Variants in SRGAP3 observed in about 807,000 individuals in gnomAD.
The protein encoded by SRGAP3 is SLIT-ROBO Rho GTPase activating protein 3, also known as SLIT-ROBO Rho GTPase-activating protein 3.
A neutral mutation model predicts 121.1 loss-of-function variants in SRGAP3; 39 were observed. That is an observed-to-expected ratio of 0.32 (90% CI 0.25 to 0.42). The LOEUF is 0.42. SRGAP3 is among the 10% of genes least tolerant of loss of function. SRGAP3 has a pLI of 1.00. For missense variants in SRGAP3, 1,213 were observed against 1,470.6 expected (o/e 0.82, Z 2.86); for synonymous variants, 601 against 570.0 (o/e 1.05, Z -0.77).
intron 2 of SRGAP3, among the ~76,000 whole-genome samples, chr3:9,121,624 C>T (rs765483845): frequency 6.6e-6 from 1 of 152,234 alleles, no homozygotes; most frequent in African/African-American, 2.4e-5. Context: ...CTGGGGCTCC[C>T]GTTCCGTCTG....
chr3:9,338,400 G>A (rs1237248169), intron 1 of SRGAP3, among the ~76,000 whole-genome samples: 1 of 152,196 alleles, frequency 6.6e-6, no homozygotes. Flanking sequence ...TAGAATCATG[G>A]TAGAAAGAGG....
chr3:9,247,384 C>A (rs963432190), intron 1 of SRGAP3, among the ~76,000 whole-genome samples: 1 of 152,162 alleles, frequency 6.6e-6, no homozygotes, highest in Non-Finnish European at 1.5e-5. Flanking sequence ...GGGTTTTCTG[C>A]TCCTCTTGCC....
At chr3:9,140,597 G>T (rs1384945867) in intron 1 of SRGAP3, among the ~76,000 whole-genome samples, 1 of 152,118 alleles carries the variant, frequency 6.6e-6, no homozygotes, top group Non-Finnish European at 1.5e-5. Context: ...GCATTTGCAG[G>T]CCATATCATC....
intron 1 of SRGAP3, among the ~76,000 whole-genome samples, chr3:9,211,246 T>A (rs1337410362): frequency 2.0e-5 from 3 of 152,234 alleles, no homozygotes; most frequent in Non-Finnish European, 4.4e-5. Flanking sequence ...CTCTGTTTTG[T>A]TGATACAGCC....
intron 9 of SRGAP3, among the ~76,000 whole-genome samples, chr3:9,049,740 GT>G (rs1945470188): frequency 6.6e-6 from 1 of 151,278 alleles, no homozygotes. Context: ...CACAATTCCA[GT>G]TGCCCATCTT....
intron 3 of SRGAP3, among the ~76,000 whole-genome samples, chr3:9,090,061 T>C (rs1004465610): frequency 6.6e-6 from 1 of 152,108 alleles, no homozygotes; most frequent in African/African-American, 2.4e-5. Context: ...CAGGATCCCA[T>C]ACATTTTCAT....
intron 1 of SRGAP3, among the ~76,000 whole-genome samples, chr3:9,332,121 T>TATC (rs1346806949): frequency 6.6e-6 from 1 of 151,808 alleles, no homozygotes; most frequent in East Asian, 1.9e-4. Context: ...TTGAGGTTAT[T>TATC]ATTATTATTA....
chr3:9,316,457 G>A (rs2125280453), intron 3 of SRGAP3, among the ~76,000 whole-genome samples: 1 of 150,234 alleles, frequency 6.7e-6, no homozygotes, highest in East Asian at 2.1e-4. Context: ...AGGAGATTGA[G>A]ACCATCCTGG....
chr3:9,098,299 G>C (rs1004815972), intron 3 of SRGAP3, among the ~76,000 whole-genome samples: 1 of 152,004 alleles, frequency 6.6e-6, no homozygotes, highest in African/African-American at 2.4e-5. Context: ...ATTTTTTTGA[G>C]ACAAGGTCTC....
At chr3:9,005,429 A>G (rs1220423240) in intron 18 of SRGAP3, among the ~76,000 whole-genome samples, 1 of 152,218 alleles carries the variant, frequency 6.6e-6, no homozygotes, top group Non-Finnish European at 1.5e-5. Context: ...TCCTGGGTAT[A>G]TACTCAAGAG....
Position 9,104,776 on chromosome 3 carries a change from C to T in SRGAP3, c.327G>A (p.Glu109=), listed in dbSNP as rs1196393882. ...WYLVLHQTRR[E]SRDHATLNDI... is the part of the protein sequence containing the mutation. ...CATTGAGGGTGGCATGGTCTCGGCTCTCCCGCCGGGTCTGATGCAGAACCA... is the reference window on the plus strand; with the variant it reads ...CATTGAGGGTGGCATGGTCTCGGCTTTCCCGCCGGGTCTGATGCAGAACCA... The change falls in exon 3 of 22, where the codon GAG becomes GAA. Residue 109 remains glutamate, a synonymous_variant. Transcript: ENST00000383836. 1 of 1,614,260 alleles carries T rather than the reference C, an allele frequency of 6.2e-7. No homozygotes were observed. Among genetic ancestry groups the T allele is most frequent in the East Asian group, 2.2e-5 (1 of 44,886 alleles).
intron 1 of SRGAP3, among the ~76,000 whole-genome samples, chr3:9,188,053 G>A (rs888184170): frequency 1.3e-5 from 2 of 152,178 alleles, no homozygotes; most frequent in African/African-American, 4.8e-5. Flanking sequence ...GGTGAGGGGA[G>A]AAAGAATACA....
chr3:9,285,312 G>A (rs1304227580), intron 3 of SRGAP3, among the ~76,000 whole-genome samples: 2 of 152,162 alleles, frequency 1.3e-5, no homozygotes, highest in East Asian at 1.9e-4. Flanking sequence ...GATTAATGAT[G>A]GGGCTCAGAA....
intron 3 of SRGAP3, among the ~76,000 whole-genome samples, chr3:9,271,891 A>G (rs1289455357): frequency 6.6e-6 from 1 of 152,214 alleles, no homozygotes; most frequent in African/African-American, 2.4e-5. Flanking sequence ...TCATCACAAC[A>G]GAAGATAATG....
At chr3:9,101,968 T>C (rs1222875308) in intron 3 of SRGAP3, among the ~76,000 whole-genome samples, 3 of 152,190 alleles carry the variant, frequency 2.0e-5, no homozygotes, top group Non-Finnish European at 4.4e-5. Flanking sequence ...AAAGGTAAGT[T>C]ATTAAGTCAA....
chr3:9,130,618 ACCGAGGCC>A (rs1949410417), intron 1 of SRGAP3, among the ~76,000 whole-genome samples: 1 of 152,230 alleles, frequency 6.6e-6, no homozygotes, highest in Non-Finnish European at 1.5e-5. Context: ...ATGATGCTAG[ACCGAGGCC>A]CCTACAGGAA....
chr3:9,071,957 C>T (rs1257046803), intron 4 of SRGAP3, among the ~76,000 whole-genome samples: 1 of 152,184 alleles, frequency 6.6e-6, no homozygotes, highest in Non-Finnish European at 1.5e-5. Context: ...GTGTGAGCCC[C>T]TGGATCCAGT....
chr3:9,211,434 C>T (rs410320), intron 1 of SRGAP3, among the ~76,000 whole-genome samples: 1 of 152,306 alleles, frequency 6.6e-6, no homozygotes, highest in Non-Finnish European at 1.5e-5. Flanking sequence ...CACCTTGAAG[C>T]TGGGGAGAAA....
intron 19 of SRGAP3, 74 bp from the exon 20 acceptor site, chr3:8,993,129 G>A (rs930549213): frequency 6.2e-7 from 1 of 1,601,348 alleles, no homozygotes; most frequent in Admixed American, 1.7e-5. Context: ...TCCCTGATAT[G>A]TGTCTGAGGG....
Sources: allele counts gnomAD v4.1 joint callset (sites outside exome capture counted in the v4.1 genomes callset), GRCh38; gene constraint gnomAD v4.1.1; transcripts MANE v1.5; gene names NCBI Gene and HGNC (gene_info 2026-07-23, HGNC 2026-07-21).